The following ERBB4 variants were observed in gnomAD, a reference collection of about 807,000 sequenced individuals.
ERBB4 encodes receptor tyrosine-protein kinase erbB-4.
A neutral mutation model predicts 158.0 loss-of-function variants in ERBB4; 42 were observed. The ratio of observed to expected loss-of-function variants is 0.27; its 90% CI spans 0.21 to 0.34. The LOEUF (loss-of-function observed/expected upper bound fraction) is 0.34. Among genes scored for constraint, ERBB4 ranks in the 10% least tolerant of loss-of-function variants. ERBB4 has a pLI of 1.00. For synonymous variants in ERBB4, 583 were observed against 558.7 expected (o/e 1.04, Z -0.61); for missense variants, 1,333 against 1,624.1 (o/e 0.82, Z 3.08).
chr2:212,127,380 C>G (rs1333992767), intron 1 of ERBB4, among the ~76,000 whole-genome samples: 2 of 152,278 alleles, frequency 1.3e-5, no homozygotes, highest in East Asian at 1.9e-4. Flanking sequence ...ATCACGAGGT[C>G]AGGAGATCGA....
chr2:211,877,519 T>G (rs1306253918), intron 3 of ERBB4, among the ~76,000 whole-genome samples: 4 of 152,090 alleles, frequency 2.6e-5, no homozygotes, highest in Non-Finnish European at 4.4e-5. Context: ...ACTTTCGGGG[T>G]TTTTCTGAGA....
At chr2:211,570,429 G>A (rs1259188704) in intron 19 of ERBB4, among the ~76,000 whole-genome samples, 6 of 142,820 alleles carry the variant, frequency 4.2e-5, no homozygotes, top group African/African-American at 1.6e-4. Flanking sequence ...GCCCCCCAAA[G>A]TGCTAGGATT....
At chr2:212,164,460 C>T (rs182776166) in intron 1 of ERBB4, among the ~76,000 whole-genome samples, 1 of 151,846 alleles carries the variant, frequency 6.6e-6, no homozygotes, top group Admixed American at 6.6e-5. Flanking sequence ...AATGAAAGTG[C>T]TAATGTAGAG....
At chr2:211,468,917 CA>C (rs34611181) in intron 20 of ERBB4, among the ~76,000 whole-genome samples, 524 of 135,110 alleles carry the variant, frequency 3.9e-3, no homozygotes, top group African/African-American at 9.2e-3. Context: ...TCTTCTGCTT[CA>C]AAAAAAAAAA....
chr2:212,021,649 G>A (rs1329113232), intron 2 of ERBB4, among the ~76,000 whole-genome samples: 1 of 152,088 alleles, frequency 6.6e-6, no homozygotes, highest in Non-Finnish European at 1.5e-5. Flanking sequence ...TACCATTCAG[G>A]ACATGGGCAC....
intron 1 of ERBB4, among the ~76,000 whole-genome samples, chr2:212,387,323 G>A (rs777547821): frequency 4.5e-4 from 69 of 152,120 alleles, no homozygotes; most frequent in Non-Finnish European, 7.4e-4. Context: ...GAAGCAAAAA[G>A]CAAGAATGCA....
At chr2:211,423,984 A>ATTACT (rs776528589) in intron 23 of ERBB4, among the ~76,000 whole-genome samples, 171 bp downstream of exon 23, 1 of 152,010 alleles carries the variant, frequency 6.6e-6, no homozygotes, top group Non-Finnish European at 1.5e-5. Flanking sequence ...ATGGAAGAGT[A>ATTACT]TTACTTTATA....
intron 12 of ERBB4, among the ~76,000 whole-genome samples, chr2:211,692,861 G>A (rs1451471776): frequency 2.0e-5 from 3 of 152,112 alleles, no homozygotes; most frequent in Admixed American, 6.5e-5. Flanking sequence ...TCTTTCATAA[G>A]CACTAAACTG....
intron 2 of ERBB4, among the ~76,000 whole-genome samples, chr2:211,975,666 T>A (rs2081585946): frequency 6.6e-6 from 1 of 152,210 alleles, no homozygotes; most frequent in Non-Finnish European, 1.5e-5. Context: ...TTTATCAATA[T>A]TAGAATGTCT....
intron 25 of ERBB4, among the ~76,000 whole-genome samples, chr2:211,414,124 A>G (rs1332976168): frequency 6.6e-6 from 1 of 152,150 alleles, no homozygotes; most frequent in Non-Finnish European, 1.5e-5. Flanking sequence ...CTATCTGCCT[A>G]GGCCTTTGTC....
intron 1 of ERBB4, among the ~76,000 whole-genome samples, chr2:212,303,386 T>A (rs1341099719): frequency 8.4e-6 from 1 of 119,506 alleles, no homozygotes; most frequent in African/African-American, 3.0e-5. Flanking sequence ...TATCCACAGC[T>A]ATAAAGACAT....
chr2:211,470,135 T>C (rs1382206538), intron 20 of ERBB4, among the ~76,000 whole-genome samples: 6 of 152,098 alleles, frequency 3.9e-5, no homozygotes, highest in Admixed American at 2.6e-4. Flanking sequence ...CTCCTTGTGG[T>C]TGGCTGCAGC....
chr2:212,398,640 C>T (rs552391472), intron 1 of ERBB4, among the ~76,000 whole-genome samples: 161 of 152,228 alleles, frequency 1.1e-3, no homozygotes, highest in African/African-American at 3.8e-3. Flanking sequence ...ACTTAAATTA[C>T]ATTTACATGT....
intron 1 of ERBB4, among the ~76,000 whole-genome samples, chr2:212,218,386 T>C (rs2083175448): frequency 1.3e-5 from 2 of 151,374 alleles, no homozygotes; most frequent in African/African-American, 4.8e-5. Flanking sequence ...ACATCCTGGC[T>C]ACAGCATTCA....
chr2:211,384,909 A>G lies in ERBB4; in HGVS notation c.3482-849T>C, dbSNP rs146453674. On this transcript the variant is annotated intron_variant, in intron 27 of 27. Transcript: ENST00000342788. The stretch of plus-strand genomic sequence containing the variant: ...ATTGGCCTAAAAGGTGCTAATAATT[A>G]TCACCATTCTCCTGAAGCTTAATTC... Among the ~76,000 whole-genome samples, 1,035 of 152,248 alleles carry G rather than the reference A, an allele frequency of 6.8e-3. 14 individuals are homozygous for G. The highest frequency in any genetic ancestry group is 0.021 in the South Asian group (102 of 4,820).
chr2:212,432,216 AT>A (rs1256806050), intron 1 of ERBB4, among the ~76,000 whole-genome samples: 3 of 152,158 alleles, frequency 2.0e-5, no homozygotes, highest in African/African-American at 4.8e-5. Context: ...TAAAATACTA[AT>A]TTTTTTAGGC....
intron 12 of ERBB4, among the ~76,000 whole-genome samples, chr2:211,697,020 T>C (rs1366361244): frequency 6.6e-6 from 1 of 152,196 alleles, no homozygotes; most frequent in Non-Finnish European, 1.5e-5. Context: ...GAGCCTAGAC[T>C]TTGAAGTCAG....
chr2:211,427,963 G>T (rs1009115242), intron 22 of ERBB4, among the ~76,000 whole-genome samples: 4 of 149,244 alleles, frequency 2.7e-5, no homozygotes, highest in Non-Finnish European at 5.9e-5. Flanking sequence ...AACAGAAAAA[G>T]GCAGATAGCA....
intron 1 of ERBB4, among the ~76,000 whole-genome samples, chr2:212,134,884 C>T (rs1028988344): frequency 6.6e-6 from 1 of 151,986 alleles, no homozygotes; most frequent in South Asian, 2.1e-4. Flanking sequence ...ATGGGGGTTT[C>T]ACCGTGTCAG....
Sources: allele counts gnomAD v4.1 joint callset (sites outside exome capture counted in the v4.1 genomes callset), GRCh38; gene constraint gnomAD v4.1.1; transcripts MANE v1.5; gene names NCBI Gene and HGNC (gene_info 2026-07-23, HGNC 2026-07-21).